The following SMARCA1 variants were observed in gnomAD, a reference collection of about 807,000 sequenced individuals.
SMARCA1 encodes the protein SNF2 related chromatin remodeling ATPase 1.
SMARCA1 carries 17 observed loss-of-function variants against 93.6 expected under a neutral mutation model. That is an observed-to-expected ratio of 0.18 (90% CI 0.12 to 0.27). The LOEUF (loss-of-function observed/expected upper bound fraction) is 0.27. Among genes scored for constraint, SMARCA1 ranks in the 10% least tolerant of loss-of-function variants. The pLI is 1.00. For synonymous variants in SMARCA1, 271 were observed against 271.4 expected, an observed-to-expected ratio of 1.00 and a Z score of 0.01; for missense variants, 630 against 819.0, an observed-to-expected ratio of 0.77 and a Z score of 2.82.
chrX:129,492,201 T>G, intron 13 of SMARCA1, 108 bp from the exon 14 acceptor site: 1 of 458,281 alleles, frequency 2.2e-6, no homozygotes, highest in Admixed American at 3.5e-5. Context: ...ATAGAAAATC[T>G]TCACACACTT....
intron 19 of SMARCA1, among the ~76,000 whole-genome samples, chrX:129,477,746 A>G (rs1164126361): frequency 9.0e-6 from 1 of 111,361 alleles, no homozygotes; most frequent in South Asian, 3.9e-4. Flanking sequence ...TAAGTAACAC[A>G]TGTAAGGACT....
At chrX:129,499,620 T>A (rs1051504276) in intron 10 of SMARCA1, 112 bp downstream of exon 10, 7 of 397,961 alleles carry the variant, frequency 1.8e-5, no homozygotes, top group Non-Finnish European at 3.1e-5. Flanking sequence ...TAACTTGCCA[T>A]TTAAATATAA....
intron 23 of SMARCA1, among the ~76,000 whole-genome samples, chrX:129,458,781 A>T (rs1315299443): frequency 7.1e-5 from 8 of 112,432 alleles, no homozygotes; most frequent in African/African-American, 2.6e-4. Flanking sequence ...GCAAGGGCAC[A>T]CAAAAAACTC....
At chrX:129,505,363 T>A (rs1301223182) in intron 8 of SMARCA1, among the ~76,000 whole-genome samples, 1 of 109,772 alleles carries the variant, frequency 9.1e-6, no homozygotes, top group African/African-American at 3.3e-5. Flanking sequence ...ATACAAAAAA[T>A]TAGCCAGGTG....
chrX:129,513,443 G>C (rs1053355695), intron 5 of SMARCA1, among the ~76,000 whole-genome samples: 1 of 107,766 alleles, frequency 9.3e-6, no homozygotes, highest in African/African-American at 3.4e-5. Flanking sequence ...AGAACCGCTT[G>C]AACCCGGGAG....
intron 23 of SMARCA1, among the ~76,000 whole-genome samples, chrX:129,459,532 A>C (rs945345151): frequency 1.1e-4 from 12 of 112,900 alleles, no homozygotes; most frequent in African/African-American, 3.9e-4. Flanking sequence ...TCAGATTGTT[A>C]CAACAGTTCA....
chrX:129,521,560 T>C (rs1290204761), intron 1 of SMARCA1, among the ~76,000 whole-genome samples: 2 of 111,750 alleles, frequency 1.8e-5, no homozygotes, highest in Non-Finnish European at 3.8e-5. Context: ...AGCTTTTTTA[T>C]TGGTCTCCCG....
intron 24 of SMARCA1, 76 bp downstream of exon 24, chrX:129,448,257 A>C: frequency 1.0e-6 from 1 of 985,460 alleles, no homozygotes; most frequent in Non-Finnish European, 1.4e-6. Flanking sequence ...CTATGGCATT[A>C]AACATAATAT....
intron 4 of SMARCA1, 42 bp downstream of exon 4, chrX:129,515,852 A>G: frequency 8.6e-7 from 1 of 1,160,500 alleles, no homozygotes; most frequent in East Asian, 3.0e-5. Flanking sequence ...TTTTTCTAAA[A>G]CTAAATTGAA....
intron 24 of SMARCA1, 37 bp downstream of exon 24, chrX:129,448,296 A>G: frequency 6.0e-6 from 7 of 1,176,335 alleles, no homozygotes; most frequent in Non-Finnish European, 8.1e-6. Context: ...AAAAAATGGG[A>G]TCTACCTAAA....
At chrX:129,509,067 A>G (rs180798023) in intron 6 of SMARCA1, among the ~76,000 whole-genome samples, 1 of 110,180 alleles carries the variant, frequency 9.1e-6, no homozygotes, top group East Asian at 2.8e-4. Flanking sequence ...CACACCTGTA[A>G]TCCCAGCTAC....
At chrX:129,496,922 A>T (rs1257714790) in intron 11 of SMARCA1, 51 bp from the exon 12 acceptor site, 1 of 1,111,593 alleles carries the variant, frequency 9.0e-7, no homozygotes, top group East Asian at 3.0e-5. Flanking sequence ...TGTGAAACTA[A>T]CTTAAAAGCT....
chrX:129,519,008 A>T (rs1405744506), intron 1 of SMARCA1, among the ~76,000 whole-genome samples: 1 of 112,010 alleles, frequency 8.9e-6, no homozygotes, highest in Non-Finnish European at 1.9e-5. Context: ...TTAATATAAT[A>T]GTACAGTTTT....
chrX:129,458,417 G>C (rs1273193822), intron 23 of SMARCA1, among the ~76,000 whole-genome samples: 1 of 111,900 alleles, frequency 8.9e-6, no homozygotes, highest in African/African-American at 3.2e-5. Flanking sequence ...AATGGTTTAT[G>C]ATTCTATTCA....
chrX:129,466,910 A>G (rs1021616886), intron 21 of SMARCA1, among the ~76,000 whole-genome samples: 4 of 110,354 alleles, frequency 3.6e-5, no homozygotes, highest in African/African-American at 1.3e-4. Context: ...TCACTCAACC[A>G]AATTTTATAG....
intron 19 of SMARCA1, among the ~76,000 whole-genome samples, chrX:129,480,498 C>G (rs1307955530): frequency 8.9e-6 from 1 of 112,008 alleles, no homozygotes; most frequent in East Asian, 2.8e-4. Context: ...TCATTAATCT[C>G]ATTTAGTGAT....
Position 129,496,797 on chromosome X carries a change from A to G in SMARCA1, c.1579T>C (p.Tyr527His). ...TGTCCATCCAGTCGACAATACTCAT[A>G]ACCACGCCACATGCAATAATCTTCC... Reference protein sequence around the residue: ...ILEDYCMWRGYEYCRLDGQTP... With the variant: ...ILEDYCMWRGHEYCRLDGQTP... Residue 527 changes from tyrosine (Y) to histidine (H), a missense_variant, in exon 12 of 25, where the codon TAT (tyrosine) becomes CAT (histidine). This residue lies in a region of SMARCA1 where 382 missense variants were observed against 537.9 expected (regional missense o/e 0.71). Transcript: ENST00000371121. 2 of 1,205,749 alleles carry G rather than the reference A, an allele frequency of 1.7e-6. No individual in the cohort carries two copies. Among genetic ancestry groups the G allele is most frequent in the Non-Finnish European group, 2.2e-6 (2 of 890,032 alleles).
chrX:129,502,497 C>T (rs1171836376), intron 9 of SMARCA1, among the ~76,000 whole-genome samples: 2 of 111,594 alleles, frequency 1.8e-5, no homozygotes, highest in African/African-American at 6.5e-5. Flanking sequence ...AAAAAGCGTA[C>T]CCTGAATTCA....
Position 129,481,317 on chromosome X carries a change from T to C in SMARCA1, c.2218-132A>G, listed in dbSNP as rs750522405. On this transcript the variant is annotated intron_variant, in intron 17 of 24. Coordinates refer to ENST00000371121, the MANE Select transcript of SMARCA1 (RefSeq NM_001282874.2). ...GAAGAATCAAAACTTGCCTTATAAA[T>C]CACAATTTACCTCCAAAGTTCCAAA... The C allele has an allele frequency of 1.3e-5, 6 of 452,269 alleles. No homozygotes were observed. In the South Asian group the frequency reaches 1.7e-4, roughly 13 times the overall value. The allele number at this position is 452,269 out of a possible 1,213,427, so 37.3% of individuals were successfully genotyped here.
Sources: gnomAD v4.1 joint callset for allele counts (sites outside exome capture counted in the v4.1 genomes callset) on GRCh38, gnomAD v4.1.1 for gene constraint, gnomAD v4.1.1 regional missense constraint, MANE v1.5 for transcripts, NCBI Gene and HGNC (gene_info 2026-07-23, HGNC 2026-07-21) for gene names.